The following PRMT8 variants were observed in gnomAD, a reference collection of about 807,000 sequenced individuals.
PRMT8 encodes the protein protein arginine methyltransferase 8.
A neutral mutation model predicts 47.1 loss-of-function variants in PRMT8; 7 were observed. The observed-to-expected ratio is 0.15, with a 90% confidence interval of 0.08 to 0.28. The LOEUF is 0.28. Ranked by LOEUF, PRMT8 falls within the 10% of genes least tolerant of loss-of-function variation. The probability of loss-of-function intolerance (pLI) is 1.00; values close to 1 mark genes in which losing one functional copy is unlikely to be tolerated. For synonymous variants in PRMT8, 188 were observed against 186.5 expected, an observed-to-expected ratio of 1.01 and a Z score of -0.07; for missense variants, 237 against 505.4, an observed-to-expected ratio of 0.47 and a Z score of 5.09.
chr12:3,435,525 T>C (rs1346129303), intron 1 of PRMT8, among the ~76,000 whole-genome samples: 3 of 151,154 alleles, frequency 2.0e-5, no homozygotes, highest in Non-Finnish European at 2.9e-5. Flanking sequence ...TCTTTTTTTT[T>C]CTTTTTTTTT....
intron 1 of PRMT8, among the ~76,000 whole-genome samples, chr12:3,443,923 G>A (rs914792833): frequency 6.6e-5 from 10 of 152,124 alleles, no homozygotes; most frequent in African/African-American, 2.4e-4. Flanking sequence ...TGTAATCCAT[G>A]CCCCTCAAAA....
chr12:3,465,929 A>G (rs766663485), intron 1 of PRMT8, among the ~76,000 whole-genome samples: 18 of 152,198 alleles, frequency 1.2e-4, no homozygotes, highest in Non-Finnish European at 2.5e-4. Context: ...AATGTAGTCA[A>G]CACTCCTACC....
chr12:3,394,535 C>T (rs376427994), intron 1 of PRMT8, among the ~76,000 whole-genome samples: 61 of 152,024 alleles, frequency 4.0e-4, no homozygotes, highest in African/African-American at 1.4e-3. Flanking sequence ...GTATATTGAA[C>T]CAGCCTTGCA....
rs1866798436 is a variant in PRMT8, at chr12:3,569,209, A to G, written c.625-268A>G. On this transcript the variant is annotated intron_variant, in intron 5 of 9. Transcript: ENST00000382622. The surrounding 1 kb of genome is among the most constrained non-coding windows in gnomAD (Gnocchi z 8.2). ...CTGGGCTTCTCCAGGCCAAAGTCGT[A>G]ACATCTCTCACTGCTCCTCACTGGA... Among the ~76,000 whole-genome samples, 1 of 152,208 alleles carries G rather than the reference A, an allele frequency of 6.6e-6. No homozygotes were observed. Among genetic ancestry groups the G allele is most frequent in the African/African-American group, 2.4e-5 (1 of 41,450 alleles).
chr12:3,397,183 T>C (rs1864258839), intron 1 of PRMT8, among the ~76,000 whole-genome samples: 1 of 151,902 alleles, frequency 6.6e-6, no homozygotes, highest in Admixed American at 6.5e-5. Flanking sequence ...TTGGAGTAAT[T>C]TGATCGTCTG....
chr12:3,579,498 C>T (rs947817935), intron 7 of PRMT8, among the ~76,000 whole-genome samples: 48 of 152,064 alleles, frequency 3.2e-4, no homozygotes, highest in African/African-American at 1.1e-3. Context: ...TGAAAACTCC[C>T]GGGGCTCTGG....
At chr12:3,486,327 C>T (rs1206751131), upstream of PRMT8, among the ~76,000 whole-genome samples, 2 of 151,968 alleles carry the variant, frequency 1.3e-5, no homozygotes, top group Non-Finnish European at 2.9e-5. Context: ...CATAAGACCC[C>T]CGATGGTACC....
At chr12:3,447,063 G>C (rs899608154) in intron 1 of PRMT8, among the ~76,000 whole-genome samples, 7 of 152,160 alleles carry the variant, frequency 4.6e-5, no homozygotes, top group Non-Finnish European at 8.8e-5. Flanking sequence ...TTAGCTCCCA[G>C]GGACCTGTTC....
At position 3,493,819 on chromosome 12, in the gene PRMT8, C is replaced by T. The variant is rs569422023; in HGVS notation, c.75+2119C>T. 1.3e-5 allele frequency among the ~76,000 whole-genome samples: 2 copies of T among 152,340 alleles called. No individual in the cohort carries two copies. The highest frequency in any genetic ancestry group is 3.9e-4 in the East Asian group (2 of 5,176). On this transcript the variant is annotated intron_variant, in intron 1 of 9. Transcript: ENST00000382622. The surrounding 1 kb of genome is among the most constrained non-coding windows in gnomAD (Gnocchi z 8.2). ...AACAAACAAACAAAAAACCACGTCGCGTGCGGGGCACCAAGGCGGTGCGGG... is the reference window on the plus strand; with the variant it reads ...AACAAACAAACAAAAAACCACGTCGTGTGCGGGGCACCAAGGCGGTGCGGG...
At chr12:3,441,408 C>T (rs757276806) in intron 1 of PRMT8, among the ~76,000 whole-genome samples, 2 of 152,230 alleles carry the variant, frequency 1.3e-5, no homozygotes, top group African/African-American at 4.8e-5. Flanking sequence ...GCTGCCAGGG[C>T]TCCCCTTTTC....
At chr12:3,524,994 G>T (rs549401279) in intron 1 of PRMT8, among the ~76,000 whole-genome samples, 11 of 152,232 alleles carry the variant, frequency 7.2e-5, no homozygotes, top group African/African-American at 2.6e-4. Context: ...AGACCGAGGC[G>T]GGTGGATCAC....
chr12:3,404,521 C>G (rs1864353748), intron 1 of PRMT8, among the ~76,000 whole-genome samples: 1 of 152,174 alleles, frequency 6.6e-6, no homozygotes, highest in African/African-American at 2.4e-5. Flanking sequence ...CAGAAACTCT[C>G]CATTATGCCC....
chr12:3,491,691 G>T lies in PRMT8; in HGVS notation c.66G>T (p.Glu22Asp). ...LRRKMAENAA[E>D]STEVNSPPSQ... ...GGAAAATGGCGGAGAACGCGGCCGA[G>T]AGCACCGAGGTAAGGAGGCGAGCGA... is the stretch of plus-strand genomic sequence containing the variant. Residue 22 changes from glutamate to aspartate, a missense_variant, in exon 1 of 10, where the codon GAG (glutamate) becomes GAT (aspartate). Glu to Asp is a conservative substitution (Grantham distance 45). Transcript: ENST00000382622. 6.2e-7 allele frequency: 1 copy of T among 1,609,822 alleles called. No individual in the cohort carries two copies.
intron 1 of PRMT8, among the ~76,000 whole-genome samples, chr12:3,477,877 G>A (rs1366116076): frequency 1.3e-5 from 2 of 152,146 alleles, no homozygotes; most frequent in African/African-American, 4.8e-5. Context: ...GTTGGGTGTT[G>A]CATGAATAAT....
At chr12:3,495,367 T>C (rs1230078478) in intron 1 of PRMT8, among the ~76,000 whole-genome samples, 1 of 152,210 alleles carries the variant, frequency 6.6e-6, no homozygotes, top group African/African-American at 2.4e-5. Context: ...ACCTGCATCA[T>C]GCAATTCTTG....
At chr12:3,483,335 C>G (rs1865292109) in intron 1 of PRMT8, among the ~76,000 whole-genome samples, 2 of 152,168 alleles carry the variant, frequency 1.3e-5, no homozygotes, top group Non-Finnish European at 2.9e-5. Context: ...AGACGAAAGC[C>G]CTTCCCTCTG....
intron 1 of PRMT8, among the ~76,000 whole-genome samples, chr12:3,480,655 C>CT (rs781768016): frequency 3.3e-5 from 5 of 151,886 alleles, no homozygotes; most frequent in South Asian, 2.1e-4. Flanking sequence ...GCTTCCTCCC[C>CT]CCACCGCTTT....
At chr12:3,459,240 G>GC (rs1331344289) in intron 1 of PRMT8, among the ~76,000 whole-genome samples, 3 of 152,190 alleles carry the variant, frequency 2.0e-5, no homozygotes, top group African/African-American at 7.2e-5. Context: ...ACTTGAGCTT[G>GC]CCACTGTCCT....
At position 3,455,095 on chromosome 12, in the gene PRMT8, T is replaced by C. The variant is rs116933648; in HGVS notation, c.48+73653T>C. Among the ~76,000 whole-genome samples the C allele has an allele frequency of 1.9e-3, 285 of 152,226 alleles. 9 individuals are homozygous for C. In the East Asian group the frequency reaches 0.043, roughly 23 times the overall value. On this transcript the variant is annotated intron_variant, in intron 1 of 9. Coordinates refer to the PRMT8 transcript ENST00000452611. ...CAGAAATCCTGGGGGAGATGGAGTT[T>C]GGGGGCTCCTCCTATCTCTTAGCTC...
Sources: allele counts gnomAD v4.1 joint callset (sites outside exome capture counted in the v4.1 genomes callset), GRCh38; gene constraint gnomAD v4.1.1; non-coding constraint Gnocchi (gnomAD v3.1); transcripts MANE v1.5; gene names NCBI Gene and HGNC (gene_info 2026-07-23, HGNC 2026-07-21).